The following PDE1C variants were observed in gnomAD, a reference collection of about 807,000 sequenced individuals.
PDE1C encodes phosphodiesterase 1C, also known as dual specificity calcium/calmodulin-dependent 3',5'-cyclic nucleotide phosphodiesterase 1C.
PDE1C carries 62 observed loss-of-function variants against 93.1 expected under a neutral mutation model. That is an observed-to-expected ratio of 0.67 (90% CI 0.54 to 0.82). The LOEUF is 0.82. Ranked by LOEUF, PDE1C falls within the 40% of genes least tolerant of loss-of-function variation. The pLI, the probability that PDE1C is intolerant of heterozygous loss-of-function variation, is 0.00. For synonymous variants in PDE1C, 325 were observed against 310.1 expected (o/e 1.05, Z -0.50); for missense variants, 742 against 884.6 (o/e 0.84, Z 2.04).
chr7:31,853,852 A>G (rs1243606449), intron 7 of PDE1C, among the ~76,000 whole-genome samples: 2 of 149,172 alleles, frequency 1.3e-5, no homozygotes, highest in Non-Finnish European at 3.0e-5. Context: ...GGCTGGGACC[A>G]TAGGCACCCA....
intron 3 of PDE1C, among the ~76,000 whole-genome samples, chr7:32,082,830 A>G (rs1406533157): frequency 6.6e-6 from 1 of 152,090 alleles, no homozygotes; most frequent in Non-Finnish European, 1.5e-5. Context: ...CAGAAAGGAC[A>G]TCCACACCAA....
chr7:31,650,181 C>T, the PDE1C span, among the ~76,000 whole-genome samples: 1 of 152,180 alleles, frequency 6.6e-6, no homozygotes, highest in African/African-American at 2.4e-5. Context: ...GTAAGAAATA[C>T]ATATTTACAA....
At chr7:31,663,444 C>T in the PDE1C span, among the ~76,000 whole-genome samples, 6 of 152,256 alleles carry the variant, frequency 3.9e-5, no homozygotes, top group South Asian at 2.1e-4. Flanking sequence ...GAGAGTTTAT[C>T]TTGCAGTTTT....
In PDE1C at chr7:32,123,473, G is replaced by A. The variant is rs1584805442; in HGVS notation, c.308+46312C>T. Among the ~76,000 whole-genome samples the A allele has an allele frequency of 2.0e-5, 3 of 151,518 alleles. No homozygotes were observed. In the East Asian group the frequency reaches 5.8e-4, roughly 29 times the overall value. On this transcript the variant is annotated intron_variant, in intron 3 of 18. Transcript: ENST00000396193. ...ATGTGAAAACCTCAATAAAACACCG[G>A]CAAACCACTGGCACATCAAAAAACT...
intron 1 of PDE1C, among the ~76,000 whole-genome samples, chr7:32,385,339 T>G (rs1038697360): frequency 6.6e-6 from 1 of 152,224 alleles, no homozygotes. Context: ...CAGGAAGGTT[T>G]TTCATTTTTC....
intron 1 of PDE1C, among the ~76,000 whole-genome samples, chr7:32,362,762 C>A (rs890505802): frequency 1.3e-5 from 2 of 152,178 alleles, no homozygotes; most frequent in African/African-American, 4.8e-5. Flanking sequence ...AAGCAGCCCA[C>A]GATGCCTCCT....
At chr7:32,380,513 T>C (rs1784513887) in intron 1 of PDE1C, among the ~76,000 whole-genome samples, 1 of 151,520 alleles carries the variant, frequency 6.6e-6, no homozygotes, top group Non-Finnish European at 1.5e-5. Context: ...CCCAAAGTGC[T>C]GGGATTACAG....
At chr7:31,709,667 A>G in the PDE1C span, among the ~76,000 whole-genome samples, 1 of 152,286 alleles carries the variant, frequency 6.6e-6, no homozygotes, top group East Asian at 1.9e-4. Context: ...AAAACCAGAC[A>G]AAACATAACC....
intron 1 of PDE1C, among the ~76,000 whole-genome samples, chr7:32,422,552 A>T (rs2128100278): frequency 6.8e-6 from 1 of 148,138 alleles, no homozygotes; most frequent in East Asian, 2.1e-4. Flanking sequence ...TGTCTACCCA[A>T]TGTTTAGTTC....
At chr7:32,107,149 GAA>G (rs112356828) in intron 3 of PDE1C, among the ~76,000 whole-genome samples, 11 of 143,026 alleles carry the variant, frequency 7.7e-5, no homozygotes, top group Non-Finnish European at 1.5e-4. Flanking sequence ...GAAATGTAAA[GAA>G]AAAAAAAAAG....
At chr7:32,096,405 T>G (rs928534951) in intron 3 of PDE1C, among the ~76,000 whole-genome samples, 1 of 152,198 alleles carries the variant, frequency 6.6e-6, no homozygotes, top group Non-Finnish European at 1.5e-5. Flanking sequence ...AAACAAACTT[T>G]TTAAATCTTC....
intron 2 of PDE1C, among the ~76,000 whole-genome samples, chr7:32,028,723 T>G (rs1425351425): frequency 6.6e-6 from 1 of 152,104 alleles, no homozygotes; most frequent in African/African-American, 2.4e-5. Context: ...AAATTTACCC[T>G]CTTAGCAATT....
At chr7:32,327,769 C>CAAAAAAAA (rs34543961) in intron 1 of PDE1C, among the ~76,000 whole-genome samples, 1 of 104,802 alleles carries the variant, frequency 9.5e-6, no homozygotes, top group Non-Finnish European at 1.9e-5. Context: ...GACTCTGTCT[C>CAAAAAAAA]AAAAAAAAAA....
chr7:32,302,424 C>A (rs1221608100), upstream of PDE1C, among the ~76,000 whole-genome samples: 1 of 152,152 alleles, frequency 6.6e-6, no homozygotes, highest in Non-Finnish European at 1.5e-5. Context: ...AATGTGTGAT[C>A]CTGACTTCAC....
chr7:31,807,452 T>C (rs1023116195), intron 16 of PDE1C, among the ~76,000 whole-genome samples: 5 of 151,622 alleles, frequency 3.3e-5, no homozygotes, highest in Admixed American at 6.6e-5. Flanking sequence ...TTGGGTATGA[T>C]TCAGTTACAA....
At chr7:31,688,809 A>G in the PDE1C span, among the ~76,000 whole-genome samples, 2 of 152,224 alleles carry the variant, frequency 1.3e-5, no homozygotes, top group South Asian at 4.1e-4. Flanking sequence ...TCTCTTGCAT[A>G]CTACACTGAA....
chr7:32,147,269 AAAAAAAG>A (rs1800910840), intron 3 of PDE1C, among the ~76,000 whole-genome samples: 2 of 41,280 alleles, frequency 4.8e-5, no homozygotes, highest in South Asian at 9.9e-4. Context: ...AGAAAGAAAG[AAAAAAAG>A]AAAGAAAGAA....
At chr7:31,792,548 A>G (rs1278268464) in intron 16 of PDE1C, among the ~76,000 whole-genome samples, 1 of 152,126 alleles carries the variant, frequency 6.6e-6, no homozygotes, top group African/African-American at 2.4e-5. Context: ...CAAAATATTT[A>G]CATTCCCTAT....
chr7:31,634,967 G>A, the PDE1C span, among the ~76,000 whole-genome samples: 1 of 152,186 alleles, frequency 6.6e-6, no homozygotes, highest in Non-Finnish European at 1.5e-5. Flanking sequence ...AAGGAACTGG[G>A]TGGGGTGGGA....
Sources: gnomAD v4.1 joint callset for allele counts (sites outside exome capture counted in the v4.1 genomes callset) on GRCh38, gnomAD v4.1.1 for gene constraint, MANE v1.5 for transcripts, NCBI Gene and HGNC (gene_info 2026-07-23, HGNC 2026-07-21) for gene names.